FAM50B: variants seen among roughly 807,000 people sequenced by gnomAD.
FAM50B encodes the protein protein FAM50B.
FAM50B carries 9 observed loss-of-function variants against 25.4 expected under a neutral mutation model. The ratio of observed to expected loss-of-function variants is 0.35; its 90% CI spans 0.21 to 0.62. The LOEUF (loss-of-function observed/expected upper bound fraction) is 0.62, where lower values mean the gene tolerates loss of function less well. Among genes scored for constraint, FAM50B ranks in the 20% least tolerant of loss-of-function variants. The pLI, the probability that FAM50B is intolerant of heterozygous loss-of-function variation, is 0.73. For missense variants in FAM50B, 372 were observed against 477.9 expected (o/e 0.78, Z 2.07); for synonymous variants, 212 against 204.3 (o/e 1.04, Z -0.32).
rs908986413 is a variant in FAM50B at position 3,849,422 on chromosome 6, G to T, written c.-88G>T. ...GAGAGCCCGGGGCGAGTGGGCCTCT[G>T]CTCGTGGGTGGTTCTCGTGGAGGTC... On this transcript the variant is annotated 5_prime_UTR_variant, in exon 1 of 2. Coordinates refer to ENST00000648326, the MANE Select transcript of FAM50B (RefSeq NM_012135.3). 1 of 185,698 alleles carries T rather than the reference G, an allele frequency of 5.4e-6. No homozygotes were observed. Among genetic ancestry groups the T allele is most frequent in the Non-Finnish European group, 1.1e-5 (1 of 89,230 alleles). 11.5% of individuals were successfully genotyped at this position (185,698 alleles called of 1,614,324 possible). A position where few individuals can be genotyped will look rare whatever the true frequency, so the allele number is the denominator to read the frequency against.
the FAM50B span, among the ~76,000 whole-genome samples, chr6:3,839,717 G>A: frequency 4.1e-4 from 63 of 152,308 alleles, no homozygotes; most frequent in African/African-American, 1.5e-3. Flanking sequence ...CCATAGGAGA[G>A]CAACAGCAGT....
upstream of FAM50B, among the ~76,000 whole-genome samples, chr6:3,845,544 T>A: frequency 6.6e-6 from 1 of 152,200 alleles, no homozygotes. Context: ...GGTAATTATA[T>A]GGGAAACCTG....
the FAM50B span, among the ~76,000 whole-genome samples, chr6:3,835,893 A>G: frequency 6.6e-6 from 1 of 152,264 alleles, no homozygotes; most frequent in African/African-American, 2.4e-5. Flanking sequence ...TGGGTGCCGC[A>G]TTTCCAGCTG....
At chr6:3,832,824 T>C in the FAM50B span, among the ~76,000 whole-genome samples, 1 of 152,168 alleles carries the variant, frequency 6.6e-6, no homozygotes, top group African/African-American at 2.4e-5. Context: ...CTCACCCTTA[T>C]GTTGAATAGC....
At chr6:3,833,110 T>G in the FAM50B span, among the ~76,000 whole-genome samples, 2 of 152,194 alleles carry the variant, frequency 1.3e-5, no homozygotes, top group African/African-American at 4.8e-5. Context: ...TTCACCCACC[T>G]CAGCCTCTCA....
chr6:3,848,127 A>G (rs1172452908), upstream of FAM50B, among the ~76,000 whole-genome samples: 12 of 152,270 alleles, frequency 7.9e-5, no homozygotes, highest in Admixed American at 7.8e-4. Context: ...TGACACAGGA[A>G]CACGAAGTGA....
chr6:3,847,780 A>G (rs1282361842), upstream of FAM50B, among the ~76,000 whole-genome samples: 1 of 152,192 alleles, frequency 6.6e-6, no homozygotes, highest in East Asian at 1.9e-4. Flanking sequence ...AATCATTTCT[A>G]GCCTTTGATT....
the FAM50B span, among the ~76,000 whole-genome samples, chr6:3,839,449 C>T: frequency 1.3e-5 from 2 of 151,958 alleles, no homozygotes; most frequent in African/African-American, 2.4e-5. Context: ...CAAACTACAG[C>T]GGTGTGGAAA....
chr6:3,842,562 T>C, the FAM50B span, among the ~76,000 whole-genome samples: 1 of 152,182 alleles, frequency 6.6e-6, no homozygotes, highest in East Asian at 1.9e-4. Flanking sequence ...GTCATGCCCC[T>C]CTTTTCCCTG....
the FAM50B span, among the ~76,000 whole-genome samples, chr6:3,834,278 C>A: frequency 3.1e-5 from 4 of 128,572 alleles, no homozygotes; most frequent in African/African-American, 1.2e-4. Flanking sequence ...ATAAAATTCA[C>A]AAGTCATAAA....
At chr6:3,834,429 A>G in the FAM50B span, among the ~76,000 whole-genome samples, 25 of 151,438 alleles carry the variant, frequency 1.7e-4, no homozygotes, top group Middle Eastern at 3.2e-3. Context: ...TAAGTAACGA[A>G]CTGAGGGAAA....
the FAM50B span, chr6:3,833,487 G>C: frequency 6.6e-6 from 1 of 152,132 alleles, no homozygotes; most frequent in African/African-American, 2.4e-5. Context: ...CTTCCTCTTG[G>C]TTATGTGATC....
the FAM50B span, among the ~76,000 whole-genome samples, chr6:3,832,695 A>G: frequency 6.6e-6 from 1 of 152,104 alleles, no homozygotes; most frequent in Non-Finnish European, 1.5e-5. Flanking sequence ...CACTCCGGAG[A>G]CACACTTCTT....
the FAM50B span, among the ~76,000 whole-genome samples, chr6:3,840,834 A>G: frequency 7.2e-5 from 11 of 152,372 alleles, no homozygotes; most frequent in East Asian, 1.9e-4. Flanking sequence ...CAATACTTAC[A>G]TAACTATATA....
the FAM50B span, among the ~76,000 whole-genome samples, chr6:3,840,100 C>A: frequency 6.6e-6 from 1 of 152,052 alleles, no homozygotes; most frequent in Non-Finnish European, 1.5e-5. Context: ...TCACGCCATT[C>A]CCCTGCCTCA....
At chr6:3,834,659 G>A in the FAM50B span, among the ~76,000 whole-genome samples, 1 of 151,984 alleles carries the variant, frequency 6.6e-6, no homozygotes, top group Non-Finnish European at 1.5e-5. Context: ...ATCTCACAGA[G>A]ATGCATATAT....
At chr6:3,834,110 G>A in the FAM50B span, among the ~76,000 whole-genome samples, 4 of 151,814 alleles carry the variant, frequency 2.6e-5, no homozygotes, top group African/African-American at 4.8e-5. Context: ...AATTGGTACC[G>A]ACTGACAGTA....
upstream of FAM50B, among the ~76,000 whole-genome samples, chr6:3,845,474 G>T (rs962910832): frequency 6.6e-6 from 1 of 152,092 alleles, no homozygotes; most frequent in Non-Finnish European, 1.5e-5. Flanking sequence ...TAGTTGGTTG[G>T]ATCATTTAAC....
At chr6:3,834,359 C>CA in the FAM50B span, among the ~76,000 whole-genome samples, 7,069 of 74,774 alleles carry the variant, frequency 0.095, 349 homozygotes, top group African/African-American at 0.17. Flanking sequence ...TGATATATGG[C>CA]AAAAAAAAAA....
Sources: allele counts gnomAD v4.1 joint callset (sites outside exome capture counted in the v4.1 genomes callset), GRCh38; gene constraint gnomAD v4.1.1; transcripts MANE v1.5; gene names NCBI Gene and HGNC (gene_info 2026-07-23, HGNC 2026-07-21).